The following CHRDL1 variants were observed in gnomAD, a reference collection of about 807,000 sequenced individuals.
CHRDL1 encodes chordin-like protein 1.
CHRDL1 carries 19 observed loss-of-function variants against 40.9 expected under a neutral mutation model. That is an observed-to-expected ratio of 0.46 (90% CI 0.32 to 0.68). The LOEUF is 0.68. Among genes scored for constraint, CHRDL1 ranks in the 30% least tolerant of loss-of-function variants. The pLI is 0.03. For missense variants in CHRDL1, 329 were observed against 352.1 expected (o/e 0.93, Z 0.53); for synonymous variants, 136 against 123.4 (o/e 1.10, Z -0.68).
At chrX:110,785,520 G>A (rs973683503) in intron 2 of CHRDL1, among the ~76,000 whole-genome samples, 6 of 111,486 alleles carry the variant, frequency 5.4e-5, no homozygotes, top group Non-Finnish European at 1.1e-4. Context: ...TCGCCACTAT[G>A]CAGAATATCC....
intron 2 of CHRDL1, among the ~76,000 whole-genome samples, chrX:110,767,505 A>T (rs1225395499): frequency 9.0e-6 from 1 of 110,564 alleles, no homozygotes; most frequent in East Asian, 2.8e-4. Flanking sequence ...TCTGGATACA[A>T]GATTAATGTA....
chrX:110,771,797 A>G (rs2089764743), intron 2 of CHRDL1, among the ~76,000 whole-genome samples: 1 of 111,502 alleles, frequency 9.0e-6, no homozygotes, highest in Non-Finnish European at 1.9e-5. Context: ...ACTCCTGGAG[A>G]TATTAGTCAG....
intron 2 of CHRDL1, among the ~76,000 whole-genome samples, chrX:110,789,899 C>G (rs1358318945): frequency 9.0e-6 from 1 of 111,582 alleles, no homozygotes; most frequent in Non-Finnish European, 1.9e-5. Flanking sequence ...AATAAGTTAA[C>G]AAGCATTTCC....
intron 6 of CHRDL1, among the ~76,000 whole-genome samples, chrX:110,716,282 T>C (rs780800387): frequency 1.8e-5 from 2 of 110,525 alleles, no homozygotes; most frequent in Admixed American, 9.8e-5. Context: ...ACAACAACCA[T>C]ATTCTTTTTT....
chrX:110,746,063 C>T lies in CHRDL1; in HGVS notation c.301+13598G>A, dbSNP rs572508786. On this transcript the variant is annotated intron_variant, in intron 4 of 11. Transcript: ENST00000372042. ...GACATCCTCCCATTACTGTGACGAA[C>T]AAAACAGTTCCCAGACATTTCTAAA... Among the ~76,000 whole-genome samples the T allele has an allele frequency of 1.6e-4, 18 of 111,925 alleles. No individual in the cohort carries two copies. The South Asian group carries it at 6.3e-3, about 39-fold the overall frequency.
intron 4 of CHRDL1, among the ~76,000 whole-genome samples, chrX:110,745,097 C>T (rs1184372624): frequency 9.0e-6 from 1 of 111,399 alleles, no homozygotes; most frequent in Non-Finnish European, 1.9e-5. Flanking sequence ...CAAAGCTCCT[C>T]TGCCCTATCT....
intron 2 of CHRDL1, among the ~76,000 whole-genome samples, chrX:110,776,169 T>C (rs2089849274): frequency 8.9e-6 from 1 of 112,436 alleles, no homozygotes; most frequent in Non-Finnish European, 1.9e-5. Context: ...ACTTCACTTA[T>C]TATTTTGCTA....
intron 4 of CHRDL1, among the ~76,000 whole-genome samples, chrX:110,747,535 G>A (rs776945663): frequency 2.7e-5 from 3 of 111,798 alleles, no homozygotes; most frequent in African/African-American, 6.5e-5. Context: ...ATGCTTGGTT[G>A]TAATCTTGCA....
At chrX:110,725,246 C>T (rs1243284851) in intron 4 of CHRDL1, among the ~76,000 whole-genome samples, 5 of 112,100 alleles carry the variant, frequency 4.5e-5, no homozygotes, top group East Asian at 2.8e-4. Context: ...CTATGATTTC[C>T]GGGATGCTCA....
At chrX:110,763,558 T>TATATAC (rs1203090246) in intron 2 of CHRDL1, among the ~76,000 whole-genome samples, 3 of 105,576 alleles carry the variant, frequency 2.8e-5, no homozygotes, top group African/African-American at 1.1e-4. Context: ...TATATATATA[T>TATATAC]ACACACACAT....
chrX:110,724,650 T>A (rs2071024105), intron 4 of CHRDL1, among the ~76,000 whole-genome samples: 1 of 110,721 alleles, frequency 9.0e-6, no homozygotes, highest in Admixed American at 9.6e-5. Flanking sequence ...AATATAGCTT[T>A]CCTGCTTTCA....
At chrX:110,757,921 T>C (rs1457244728) in intron 4 of CHRDL1, among the ~76,000 whole-genome samples, 1 of 109,829 alleles carries the variant, frequency 9.1e-6, no homozygotes, top group East Asian at 2.9e-4. Flanking sequence ...TTCTATTCTA[T>C]GTTGTTTTGC....
Position 110,779,194 on chromosome X carries a change from C to G in CHRDL1, c.94+12894G>C, listed in dbSNP as rs757251758. ...CAAAATTATCTGTACACCAACCCCCCGTGACACACATTTGCCTGTATTAAC... is the reference window on the plus strand; with the variant it reads ...CAAAATTATCTGTACACCAACCCCCGGTGACACACATTTGCCTGTATTAAC... On this transcript the variant is annotated intron_variant, in intron 2 of 11. Transcript: ENST00000372042. Among the ~76,000 whole-genome samples, 28 of 111,001 alleles carry G rather than the reference C, an allele frequency of 2.5e-4. No homozygotes were observed. In the South Asian group the frequency reaches 5.1e-3, roughly 20 times the overall value.
intron 6 of CHRDL1, among the ~76,000 whole-genome samples, chrX:110,704,367 G>A (rs2070580008): frequency 8.9e-6 from 1 of 111,767 alleles, no homozygotes; most frequent in African/African-American, 3.3e-5. Context: ...ATTTGATTAT[G>A]TTGCCAATTT....
chrX:110,780,454 T>C (rs1391824059), intron 2 of CHRDL1, among the ~76,000 whole-genome samples: 1 of 111,704 alleles, frequency 9.0e-6, no homozygotes, highest in Non-Finnish European at 1.9e-5. Flanking sequence ...AATTACATAG[T>C]TCTACACCAA....
At chrX:110,713,574 G>T (rs934366436) in intron 6 of CHRDL1, among the ~76,000 whole-genome samples, 4 of 111,460 alleles carry the variant, frequency 3.6e-5, no homozygotes, top group African/African-American at 1.3e-4. Flanking sequence ...CCTATGAATG[G>T]GTCCCAACAG....
intron 2 of CHRDL1, among the ~76,000 whole-genome samples, chrX:110,780,247 T>G (rs1340993431): frequency 9.0e-6 from 1 of 111,393 alleles, no homozygotes. Flanking sequence ...ACAACAGGAA[T>G]GACAACCTCC....
intron 2 of CHRDL1, among the ~76,000 whole-genome samples, chrX:110,776,067 C>A (rs976620030): frequency 8.9e-6 from 1 of 111,838 alleles, no homozygotes; most frequent in Non-Finnish European, 1.9e-5. Flanking sequence ...TTCCACTTTC[C>A]CATAAGCTAC....
chrX:110,770,636 T>C (rs1482221091), intron 2 of CHRDL1, among the ~76,000 whole-genome samples: 1 of 110,859 alleles, frequency 9.0e-6, no homozygotes, highest in Non-Finnish European at 1.9e-5. Flanking sequence ...CCCCTATAGA[T>C]AAAAAGAGAG....
Sources: allele counts gnomAD v4.1 joint callset (sites outside exome capture counted in the v4.1 genomes callset), GRCh38; gene constraint gnomAD v4.1.1; transcripts MANE v1.5; gene names NCBI Gene and HGNC (gene_info 2026-07-23, HGNC 2026-07-21).